Variants in FAM20A observed in about 807,000 individuals in gnomAD.
FAM20A encodes the protein FAM20A golgi associated secretory pathway pseudokinase.
In FAM20A, 42 loss-of-function variants were observed where a neutral mutation model predicts 52.0. The observed-to-expected ratio is 0.81, with a 90% confidence interval of 0.63 to 1.04. FAM20A has a LOEUF of 1.04. Ranked by LOEUF, FAM20A falls within the 50% of genes least tolerant of loss-of-function variation. The pLI, the probability that FAM20A is intolerant of heterozygous loss-of-function variation, is 0.00. For missense variants in FAM20A, 742 were observed against 712.7 expected (o/e 1.04, Z -0.47); for synonymous variants, 304 against 298.9 (o/e 1.02, Z -0.18).
rs202090214 is a variant in FAM20A at position 68,543,629 on chromosome 17, C to T, written c.812G>A (p.Arg271Lys). ...CCATCTCCATGGGGCCAGACCCTACCTGTCCAGATGGAAAGCTGCGATCTC... is the reference window on the plus strand; with the variant it reads ...CCATCTCCATGGGGCCAGACCCTACTTGTCCAGATGGAAAGCTGCGATCTC... ...NAEIAAFHLD[R>K]ILDFRRVPPT... The change falls in exon 5 of 11, where the codon AGG becomes AAG. Residue 271 changes from arginine to lysine, a missense_variant and splice_region_variant. Arg to Lys is a conservative substitution (Grantham distance 26). Coordinates refer to ENST00000592554, the MANE Select transcript of FAM20A (RefSeq NM_017565.4). The T allele has an allele frequency of 1.9e-6, 3 of 1,614,058 alleles. No individual in the cohort carries two copies. In the African/African-American group the frequency reaches 4.0e-5, roughly 22 times the overall value.
chr17:68,561,612 AAG>A (rs2087216452), intron 1 of FAM20A, among the ~76,000 whole-genome samples: 1 of 143,074 alleles, frequency 7.0e-6, no homozygotes, highest in Non-Finnish European at 1.5e-5. Flanking sequence ...TTTTTTTTTA[AAG>A]AGTTTTCCTA....
chr17:68,549,672 G>C (rs935208359), intron 4 of FAM20A, among the ~76,000 whole-genome samples: 2 of 152,004 alleles, frequency 1.3e-5, no homozygotes, highest in Non-Finnish European at 2.9e-5. Flanking sequence ...CTCTCTAACT[G>C]GGGCTGTCTT....
chr17:68,556,261 C>T (rs558331915), intron 1 of FAM20A, among the ~76,000 whole-genome samples: 3 of 151,988 alleles, frequency 2.0e-5, no homozygotes, highest in African/African-American at 4.8e-5. Flanking sequence ...AGATTATAAA[C>T]GAAAAGAAGA....
chr17:68,537,788 A>G lies in FAM20A; in HGVS notation c.1362-47T>C, dbSNP rs762117621. ...AACCAAATAAGCAAATGTAAAGAAA[A>G]TAACTTGCCTGAACTTCTTTCCCCA... is the stretch of plus-strand genomic sequence containing the variant. On this transcript the variant is annotated intron_variant, in intron 10 of 10. Coordinates refer to ENST00000592554, the MANE Select transcript of FAM20A (RefSeq NM_017565.4). This position sits in a 1 kb window ranked among gnomAD's most constrained non-coding sequence, Gnocchi z 4.2. The G allele has an allele frequency of 5.7e-6, 9 of 1,572,834 alleles. No individual in the cohort carries two copies. The highest frequency in any genetic ancestry group is 6.9e-6 in the Non-Finnish European group (8 of 1,158,052).
rs2087861896 is a variant in FAM20A, at chr17:68,579,006, T to C, written c.404+21257A>G. Reference sequence around the variant, plus strand: ...CTCCAGCCTGGTGACAGAGCGAGACTCTGTTTCAAAAAAAAAAAAAAAACA... The same window carrying C: ...CTCCAGCCTGGTGACAGAGCGAGACCCTGTTTCAAAAAAAAAAAAAAAACA... On this transcript the variant is annotated intron_variant, in intron 1 of 10. Coordinates refer to ENST00000592554, the MANE Select transcript of FAM20A (RefSeq NM_017565.4). Among the ~76,000 whole-genome samples the C allele has an allele frequency of 1.4e-5, 2 of 145,308 alleles. 1 individual carries two copies. Among genetic ancestry groups the C allele is most frequent in the South Asian group, 4.5e-4 (2 of 4,476 alleles).
intron 4 of FAM20A, 151 bp from the exon 5 acceptor site, chr17:68,543,872 T>C (rs1190060353): frequency 1.4e-6 from 1 of 725,420 alleles, no homozygotes; most frequent in South Asian, 1.5e-5. Context: ...AGGAATGGCC[T>C]GTGGCTCCCT....
intron 1 of FAM20A, among the ~76,000 whole-genome samples, chr17:68,579,586 G>A (rs527573019): frequency 1.6e-4 from 24 of 152,260 alleles, no homozygotes; most frequent in Non-Finnish European, 3.2e-4. Context: ...GAGTAGGGTA[G>A]GTTCTGTTAG....
At chr17:68,591,395 G>A (rs1341290489) in intron 1 of FAM20A, among the ~76,000 whole-genome samples, 2 of 152,142 alleles carry the variant, frequency 1.3e-5, no homozygotes, top group East Asian at 1.9e-4. Flanking sequence ...CACCGCACCC[G>A]GCCCCAAGGA....
chr17:68,595,794 C>A (rs2088435754), intron 1 of FAM20A, among the ~76,000 whole-genome samples: 1 of 152,212 alleles, frequency 6.6e-6, no homozygotes, highest in Non-Finnish European at 1.5e-5. Context: ...TCAGAGCGTT[C>A]TAGGGCAGGC....
At position 68,552,844 on chromosome 17, in the gene FAM20A, G is replaced by A. The variant is rs1257806446; in HGVS notation, c.641-893C>T. 4.3e-5 allele frequency among the ~76,000 whole-genome samples: 6 copies of A among 138,668 alleles called. 1 individual carries two copies. The East Asian group carries it at 6.1e-4, about 14-fold the overall frequency. The allele number at this position is 138,668 out of a possible 152,430, so 91.0% of individuals were successfully genotyped here. On this transcript the variant is annotated intron_variant, in intron 3 of 10. Transcript: ENST00000592554. ...CTACAGGCGCCCGCCACCGCGCCCGGCTAATTTTTTGTATTTTTAGTAGAG... is the reference window on the plus strand; with the variant it reads ...CTACAGGCGCCCGCCACCGCGCCCGACTAATTTTTTGTATTTTTAGTAGAG...
intron 1 of FAM20A, among the ~76,000 whole-genome samples, chr17:68,574,189 C>A (rs912620116): frequency 2.6e-5 from 4 of 152,088 alleles, no homozygotes; most frequent in African/African-American, 9.7e-5. Flanking sequence ...CTCAGCCTCC[C>A]AAGTAACTGG....
At chr17:68,589,874 A>C (rs2088256815) in intron 1 of FAM20A, among the ~76,000 whole-genome samples, 2 of 152,216 alleles carry the variant, frequency 1.3e-5, no homozygotes, top group African/African-American at 2.4e-5. Context: ...AGACAGGAAT[A>C]ATCTTATTTT....
chr17:68,548,725 ATTT>A (rs753348891), intron 4 of FAM20A, among the ~76,000 whole-genome samples: 49 of 79,184 alleles, frequency 6.2e-4, no homozygotes, highest in African/African-American at 2.6e-3. Flanking sequence ...ATGCCTGTAT[ATTT>A]TTTTTTTTTT....
chr17:68,551,010 G>A (rs1454462001), intron 4 of FAM20A: 6 of 1,173,642 alleles, frequency 5.1e-6, no homozygotes, highest in Non-Finnish European at 6.4e-6. Context: ...GTATTCCACT[G>A]GAAGAAGCAC....
Position 68,536,075 on chromosome 17 carries a change from TAGAG to T in FAM20A, c.*1398_*1401del, listed in dbSNP as rs1314619616. The T allele has an allele frequency of 6.6e-6, 3 of 454,106 alleles. No individual in the cohort carries two copies. Among genetic ancestry groups the T allele is most frequent in the South Asian group, 1.6e-5 (1 of 64,478 alleles). 28.1% of individuals were successfully genotyped at this position (454,106 alleles called of 1,614,324 possible). On this transcript the variant is annotated 3_prime_UTR_variant, in exon 11 of 11. Coordinates refer to ENST00000592554, the MANE Select transcript of FAM20A (RefSeq NM_017565.4). ...AGATCTCAGTGAATGGTAGTGATTTTAGAGAGACACAAAGTCCAGGGGCAGCATA... is the reference window on the plus strand; with the variant it reads ...AGATCTCAGTGAATGGTAGTGATTTTAGACACAAAGTCCAGGGGCAGCATA...
At chr17:68,539,138 C>G (rs2086184288) in intron 10 of FAM20A, among the ~76,000 whole-genome samples, 199 bp downstream of exon 10, 1 of 152,180 alleles carries the variant, frequency 6.6e-6, no homozygotes, top group Non-Finnish European at 1.5e-5. Flanking sequence ...TCTTATGAGA[C>G]CACCGTCATA....
intron 1 of FAM20A, among the ~76,000 whole-genome samples, chr17:68,567,186 G>T (rs1242278181): frequency 6.6e-6 from 1 of 151,876 alleles, no homozygotes; most frequent in Non-Finnish European, 1.5e-5. Context: ...AGCCTTGGTG[G>T]ACCCTATGGT....
Position 68,600,107 on chromosome 17 carries a change from C to T in FAM20A, c.404+156G>A, listed in dbSNP as rs557947814. Among the ~76,000 whole-genome samples the T allele has an allele frequency of 1.3e-5, 2 of 152,298 alleles. No individual in the cohort carries two copies. Among genetic ancestry groups the T allele is most frequent in the East Asian group, 3.9e-4 (2 of 5,180 alleles). ...GAGGTCTGCAACAGCTGGTGGGGTT[C>T]GGGTGGGGAACACACTCTAAGCCCA... is the stretch of plus-strand genomic sequence containing the variant. On this transcript the variant is annotated intron_variant, in intron 1 of 10. Transcript: ENST00000592554. The surrounding 1 kb of genome is among the most constrained non-coding windows in gnomAD (Gnocchi z 6.2).
intron 1 of FAM20A, among the ~76,000 whole-genome samples, chr17:68,563,765 C>T (rs2087293181): frequency 6.6e-6 from 1 of 152,148 alleles, no homozygotes; most frequent in Admixed American, 6.5e-5. Context: ...TGAGATGGTT[C>T]CAAGATGTCA....
Sources: gnomAD v4.1 joint callset for allele counts (sites outside exome capture counted in the v4.1 genomes callset) on GRCh38, gnomAD v4.1.1 for gene constraint, Gnocchi (gnomAD v3.1) non-coding constraint, MANE v1.5 for transcripts, NCBI Gene and HGNC (gene_info 2026-07-23, HGNC 2026-07-21) for gene names.